The following NCKAP5 variants were observed in gnomAD, a reference collection of about 807,000 sequenced individuals.
The protein encoded by NCKAP5 is nck-associated protein 5.
In NCKAP5, 92 loss-of-function variants were observed where a neutral mutation model predicts 167.0. The observed-to-expected ratio is 0.55, with a 90% CI of 0.47 to 0.66. The LOEUF (loss-of-function observed/expected upper bound fraction) is 0.66. NCKAP5 is among the 30% of genes least tolerant of loss of function. The pLI, the probability that NCKAP5 is intolerant of heterozygous loss-of-function variation, is 0.00. For synonymous variants in NCKAP5, 891 were observed against 877.4 expected (o/e 1.02, Z -0.27); for missense variants, 2,378 against 2,315.0 (o/e 1.03, Z -0.56).
the NCKAP5 span, among the ~76,000 whole-genome samples, chr2:133,626,581 A>G: frequency 1.3e-5 from 2 of 152,208 alleles, no homozygotes; most frequent in East Asian, 3.9e-4. Flanking sequence ...ATATTATGAC[A>G]CAATTGCAAA....
At chr2:133,663,272 CAA>C in the NCKAP5 span, among the ~76,000 whole-genome samples, 11,201 of 98,072 alleles carry the variant, frequency 0.11, 780 homozygotes, top group African/African-American at 0.25. Flanking sequence ...GACTCCGTCT[CAA>C]AAAAAAAAAA....
At chr2:133,097,306 A>T (rs2081373465) in intron 6 of NCKAP5, among the ~76,000 whole-genome samples, 1 of 152,084 alleles carries the variant, frequency 6.6e-6, no homozygotes, top group African/African-American at 2.4e-5. Context: ...CTCTTTTTCA[A>T]ATCTCTATAG....
At chr2:132,770,025 G>A (rs2104928722) in intron 16 of NCKAP5, among the ~76,000 whole-genome samples, 1 of 152,292 alleles carries the variant, frequency 6.6e-6, no homozygotes, top group Non-Finnish European at 1.5e-5. Context: ...TTCAAAAGTA[G>A]GGTTCTACCA....
At chr2:133,039,159 A>C (rs1013504437) in intron 6 of NCKAP5, among the ~76,000 whole-genome samples, 1 of 152,220 alleles carries the variant, frequency 6.6e-6, no homozygotes, top group Admixed American at 6.5e-5. Context: ...GGAGCCCCAC[A>C]GAAATAGGAG....
chr2:133,362,633 G>A (rs1322259236), intron 3 of NCKAP5, among the ~76,000 whole-genome samples: 1 of 152,184 alleles, frequency 6.6e-6, no homozygotes, highest in Non-Finnish European at 1.5e-5. Context: ...ATGGTCACTA[G>A]GAGTTACAGG....
chr2:133,182,710 A>G (rs2084788898), intron 5 of NCKAP5, among the ~76,000 whole-genome samples: 1 of 152,222 alleles, frequency 6.6e-6, no homozygotes, highest in Non-Finnish European at 1.5e-5. Flanking sequence ...ACTCAAAAAC[A>G]GAAAAAGAAC....
At chr2:133,267,129 C>T (rs543084944) in intron 4 of NCKAP5, 1,894 of 152,382 alleles carry the variant, frequency 0.012, 20 homozygotes, top group Non-Finnish European at 0.019. Flanking sequence ...GGTGAGGGGA[C>T]GATGGGGACC....
chr2:132,829,290 T>C (rs1687352349), intron 11 of NCKAP5, among the ~76,000 whole-genome samples: 1 of 152,142 alleles, frequency 6.6e-6, no homozygotes, highest in Non-Finnish European at 1.5e-5. Context: ...CATTTCGTTA[T>C]CTGTAAGATG....
intron 5 of NCKAP5, among the ~76,000 whole-genome samples, chr2:133,148,262 G>T (rs1415322276): frequency 6.6e-6 from 1 of 152,044 alleles, no homozygotes; most frequent in African/African-American, 2.4e-5. Flanking sequence ...ACTTTTATTG[G>T]CTGATAACTG....
intron 3 of NCKAP5, among the ~76,000 whole-genome samples, chr2:133,319,785 A>G (rs1681899534): frequency 6.6e-6 from 1 of 152,214 alleles, no homozygotes; most frequent in African/African-American, 2.4e-5. Flanking sequence ...ACGGAACATC[A>G]GGAAACTTAT....
At position 133,179,124 on chromosome 2, in the gene NCKAP5, G is replaced by A. The variant is rs371939997; in HGVS notation, c.207+34592C>T. ...TGGGTGGCAAAGCCACACAGACCCT[G>A]TCTTTAAAACAAAACCCCAAAAAAC... On this transcript the variant is annotated intron_variant, in intron 5 of 19. Transcript: ENST00000409261. Among the ~76,000 whole-genome samples the A allele has an allele frequency of 3.9e-5, 6 of 152,122 alleles. No homozygotes were observed. The South Asian group carries it at 1.0e-3, about 26-fold the overall frequency.
In NCKAP5 at chr2:133,125,942, G is replaced by T. The variant is rs546295098; in HGVS notation, c.341+4036C>A. 6.6e-5 allele frequency among the ~76,000 whole-genome samples: 10 copies of T among 151,956 alleles called. No homozygotes were observed. The South Asian group carries it at 1.9e-3, about 28-fold the overall frequency. On this transcript the variant is annotated intron_variant, in intron 6 of 19. Transcript: ENST00000409261. ...AAGAACAGATTGTGGCTGAAGGTTT[G>T]GTGGTGATATAAAAAAAAAACTACT...
chr2:132,996,646 T>C (rs1027458116), intron 6 of NCKAP5, among the ~76,000 whole-genome samples: 4 of 152,346 alleles, frequency 2.6e-5, no homozygotes, highest in Admixed American at 2.0e-4. Flanking sequence ...GCAGGTCTTA[T>C]CTTCTGGAAT....
intron 16 of NCKAP5, among the ~76,000 whole-genome samples, chr2:132,737,334 C>A (rs977489927): frequency 1.3e-5 from 2 of 152,108 alleles, no homozygotes; most frequent in African/African-American, 4.8e-5. Flanking sequence ...AGGAGGAGAC[C>A]TTTTCAGTCT....
chr2:133,599,861 G>T, the NCKAP5 span, among the ~76,000 whole-genome samples: 1 of 152,254 alleles, frequency 6.6e-6, no homozygotes, highest in Non-Finnish European at 1.5e-5. Flanking sequence ...TGGGAGAGGG[G>T]CTTTCCCAGT....
chr2:133,323,631 C>A (rs1263536911), intron 3 of NCKAP5, among the ~76,000 whole-genome samples: 1 of 152,226 alleles, frequency 6.6e-6, no homozygotes, highest in Non-Finnish European at 1.5e-5. Context: ...CATCTCAAGG[C>A]ACACCTTTCT....
intron 8 of NCKAP5, among the ~76,000 whole-genome samples, chr2:132,935,830 T>C (rs1234920812): frequency 6.6e-6 from 1 of 152,094 alleles, no homozygotes; most frequent in African/African-American, 2.4e-5. Context: ...AAGCTACACA[T>C]GATGTGGTGT....
intron 4 of NCKAP5, among the ~76,000 whole-genome samples, chr2:133,287,754 G>A (rs1468723415): frequency 1.3e-5 from 2 of 152,174 alleles, no homozygotes; most frequent in Admixed American, 6.5e-5. Flanking sequence ...GCCCAGGTGG[G>A]CTGAGGAATG....
chr2:133,520,985 A>G (rs1684427491), intron 2 of NCKAP5, among the ~76,000 whole-genome samples: 1 of 152,230 alleles, frequency 6.6e-6, no homozygotes, highest in Non-Finnish European at 1.5e-5. Flanking sequence ...AGACCATAAA[A>G]CAATCATGGA....
Sources: allele counts gnomAD v4.1 joint callset (sites outside exome capture counted in the v4.1 genomes callset), GRCh38; gene constraint gnomAD v4.1.1; transcripts MANE v1.5; gene names NCBI Gene and HGNC (gene_info 2026-07-23, HGNC 2026-07-21).